Variants in ELAVL1 observed in about 807,000 individuals in gnomAD.
ELAVL1 encodes the protein ELAV-like protein 1.
Under a neutral mutation model 28.4 loss-of-function variants are expected in ELAVL1, and 1 was observed. That is an observed-to-expected ratio of 0.04 (90% CI 0.01 to 0.17). The LOEUF is 0.17. ELAVL1 is among the 10% of genes least tolerant of loss of function. ELAVL1 has a pLI of 1.00. For missense variants in ELAVL1, 157 were observed against 447.2 expected, an observed-to-expected ratio of 0.35 and a Z score of 5.85; for synonymous variants, 174 against 183.5, an observed-to-expected ratio of 0.95 and a Z score of 0.42.
chr19:7,967,373 A>C (rs7247382), intron 5 of ELAVL1, among the ~76,000 whole-genome samples, 192 bp downstream of exon 5: 143,069 of 152,292 alleles, frequency 0.94, 67,605 homozygotes, highest in Middle Eastern at 0.99. Flanking sequence ...GACAACGCCC[A>C]ATCGGAAGTA....
intron 1 of ELAVL1, among the ~76,000 whole-genome samples, chr19:8,005,118 G>A (rs2081082534): frequency 6.6e-6 from 1 of 152,110 alleles, no homozygotes. Flanking sequence ...CGTGGGCCGT[G>A]ACCTCTGCGC....
At chr19:8,000,700 G>A (rs1056901395) in intron 1 of ELAVL1, among the ~76,000 whole-genome samples, 1 of 152,252 alleles carries the variant, frequency 6.6e-6, no homozygotes, top group Non-Finnish European at 1.5e-5. Context: ...GCCATGCAAG[G>A]CAAGGTCTCA....
intron 3 of ELAVL1, among the ~76,000 whole-genome samples, 187 bp from the exon 4 acceptor site, chr19:7,974,065 G>A (rs1452548623): frequency 6.6e-6 from 1 of 152,276 alleles, no homozygotes; most frequent in Admixed American, 6.5e-5. Context: ...TGGGCCGTGA[G>A]CCAGGATGCC....
intron 3 of ELAVL1, among the ~76,000 whole-genome samples, chr19:7,978,359 T>C (rs899152348): frequency 1.3e-5 from 2 of 152,014 alleles, no homozygotes; most frequent in East Asian, 3.9e-4. Context: ...AGCTGGGCGA[T>C]ACCGGCCTGA....
At chr19:7,964,273 C>T (rs1984891930) in intron 5 of ELAVL1, among the ~76,000 whole-genome samples, 1 of 152,156 alleles carries the variant, frequency 6.6e-6, no homozygotes, top group Non-Finnish European at 1.5e-5. Flanking sequence ...ATGACCCGCC[C>T]CCAAGCGTTG....
chr19:7,999,937 C>T (rs374448412), intron 1 of ELAVL1, among the ~76,000 whole-genome samples: 25 of 152,192 alleles, frequency 1.6e-4, no homozygotes, highest in African/African-American at 5.3e-4. Context: ...CCACCACGCC[C>T]GGCTAATTTT....
chr19:7,988,422 C>T (rs1309776418), intron 2 of ELAVL1, among the ~76,000 whole-genome samples: 1 of 152,114 alleles, frequency 6.6e-6, no homozygotes. Flanking sequence ...GAGCATAACC[C>T]TCTGGCATAA....
chr19:7,975,286 G>C lies in ELAVL1; in HGVS notation c.277-1408C>G, dbSNP rs555962265. On this transcript the variant is annotated intron_variant, in intron 3 of 5. Transcript: ENST00000407627. ...GGGGGCCTGCCAAACCATGACCCTG[G>C]CGCCAGTGGAGCGGAGCTGAGGCTG... Among the ~76,000 whole-genome samples the C allele has an allele frequency of 1.1e-4, 16 of 152,330 alleles. No homozygotes were observed. The East Asian group carries it at 2.7e-3, about 26-fold the overall frequency.
chr19:7,969,213 A>G (rs558173335), intron 4 of ELAVL1, among the ~76,000 whole-genome samples: 34 of 152,316 alleles, frequency 2.2e-4, no homozygotes, highest in African/African-American at 8.2e-4. Context: ...AAGGAAAAAG[A>G]AAGACTTCCA....
At chr19:7,964,028 G>T (rs1188599746) in intron 5 of ELAVL1, among the ~76,000 whole-genome samples, 1 of 152,158 alleles carries the variant, frequency 6.6e-6, no homozygotes, top group Non-Finnish European at 1.5e-5. Context: ...TGACTCTGAG[G>T]GGCTGGTTGG....
intron 2 of ELAVL1, among the ~76,000 whole-genome samples, chr19:7,987,346 C>A (rs1205697687): frequency 1.3e-5 from 2 of 152,162 alleles, no homozygotes; most frequent in African/African-American, 2.4e-5. Context: ...TCCTTCTGAT[C>A]CCCCGAGGGA....
chr19:8,000,130 C>T (rs2081062730), intron 1 of ELAVL1, among the ~76,000 whole-genome samples: 1 of 152,038 alleles, frequency 6.6e-6, no homozygotes, highest in Non-Finnish European at 1.5e-5. Context: ...CCATGTTGTT[C>T]AGGCTGGTCT....
At chr19:7,995,981 T>C (rs1010184503) in intron 1 of ELAVL1, among the ~76,000 whole-genome samples, 2 of 151,850 alleles carry the variant, frequency 1.3e-5, no homozygotes, top group Non-Finnish European at 2.9e-5. Flanking sequence ...GCCATAATCA[T>C]AGCTCACTGC....
intron 4 of ELAVL1, chr19:7,972,799 CCTTT>C (rs1361809743): frequency 1.3e-5 from 1 of 76,428 alleles, no homozygotes; most frequent in Non-Finnish European, 2.6e-5. Context: ...GCTGCAGTAT[CCTTT>C]TTTTTTTTTT....
chr19:7,988,936 G>A (rs1289130818), intron 2 of ELAVL1, among the ~76,000 whole-genome samples: 2 of 152,210 alleles, frequency 1.3e-5, no homozygotes, highest in Non-Finnish European at 2.9e-5. Context: ...CTGGAGAGCT[G>A]GAGACGCTAT....
At chr19:7,968,369 C>T (rs1410544293) in intron 4 of ELAVL1, among the ~76,000 whole-genome samples, 1 of 152,228 alleles carries the variant, frequency 6.6e-6, no homozygotes, top group Admixed American at 6.5e-5. Flanking sequence ...CTGTGGCCAC[C>T]CCCTGCCAGC....
chr19:7,991,271 A>G (rs779314956), intron 2 of ELAVL1, among the ~76,000 whole-genome samples: 6 of 152,210 alleles, frequency 3.9e-5, no homozygotes, highest in Non-Finnish European at 7.4e-5. Context: ...TGCCCTGGAC[A>G]GTACACTCGC....
chr19:7,988,473 T>C (rs1224229565), intron 2 of ELAVL1, among the ~76,000 whole-genome samples: 2 of 152,060 alleles, frequency 1.3e-5, no homozygotes, highest in Non-Finnish European at 1.5e-5. Context: ...TAAAGACAGA[T>C]GGGGCATGGC....
chr19:7,966,707 C>G (rs1984964155), intron 5 of ELAVL1, among the ~76,000 whole-genome samples: 1 of 152,172 alleles, frequency 6.6e-6, no homozygotes, highest in South Asian at 2.1e-4. Flanking sequence ...GCAGCCTCCA[C>G]CTCCTGGGTT....
Sources: allele counts gnomAD v4.1 joint callset (sites outside exome capture counted in the v4.1 genomes callset), GRCh38; gene constraint gnomAD v4.1.1; transcripts MANE v1.5; gene names NCBI Gene and HGNC (gene_info 2026-07-23, HGNC 2026-07-21).